Variants in PDE6A observed in about 807,000 individuals in gnomAD.
PDE6A encodes the protein phosphodiesterase 6A, also known as rod cGMP-specific 3',5'-cyclic phosphodiesterase subunit alpha.
In PDE6A, 84 loss-of-function variants were observed where a neutral mutation model predicts 106.3. That is an observed-to-expected ratio of 0.79 (90% CI 0.66 to 0.95). The LOEUF (loss-of-function observed/expected upper bound fraction) is 0.95, where lower values mean the gene tolerates loss of function less well. Among genes scored for constraint, PDE6A ranks in the 40% least tolerant of loss-of-function variants. The pLI is 0.00. For synonymous variants in PDE6A, 394 were observed against 386.6 expected (o/e 1.02, Z -0.23); for missense variants, 1,052 against 1,084.9 (o/e 0.97, Z 0.43).
rs185740208 is a variant in PDE6A, at chr5:149,924,057, T to A, written c.859-2348A>T. On this transcript the variant is annotated intron_variant, in intron 4 of 21. Transcript: ENST00000255266. ...AAGAAATTTAATTCTAGGTGAACAT[T>A]TAGAAAACAATTTTAATTCTAGGCA... is the stretch of plus-strand genomic sequence containing the variant. 1.3e-3 allele frequency among the ~76,000 whole-genome samples: 199 copies of A among 152,222 alleles called. 2 individuals carry two copies. The highest frequency in any genetic ancestry group is 4.5e-3 in the African/African-American group (186 of 41,508).
chr5:149,934,162 T>C (rs1462161215), intron 2 of PDE6A, 143 bp from the exon 3 acceptor site: 1 of 686,526 alleles, frequency 1.5e-6, no homozygotes, highest in Non-Finnish European at 2.7e-6. Flanking sequence ...TGCAGACTCA[T>C]AAGATGTTGC....
chr5:149,940,619 T>C (rs552360851), intron 1 of PDE6A, among the ~76,000 whole-genome samples: 42 of 151,972 alleles, frequency 2.8e-4, no homozygotes, highest in African/African-American at 1.0e-3. Flanking sequence ...TGCCTCAGCC[T>C]CCCGAGTAGC....
intron 4 of PDE6A, among the ~76,000 whole-genome samples, chr5:149,928,854 C>T (rs1753946259): frequency 6.6e-6 from 1 of 151,888 alleles, no homozygotes. Context: ...ACAGTCACTT[C>T]AAAAAATAAT....
At chr5:149,920,055 C>T (rs924448026) in intron 5 of PDE6A, among the ~76,000 whole-genome samples, 4 of 152,022 alleles carry the variant, frequency 2.6e-5, no homozygotes, top group African/African-American at 4.8e-5. Context: ...AGGCCAGGTG[C>T]GGTGGCTCAT....
intron 7 of PDE6A, among the ~76,000 whole-genome samples, chr5:149,905,345 A>G (rs1460247521): frequency 6.6e-6 from 1 of 152,072 alleles, no homozygotes; most frequent in Non-Finnish European, 1.5e-5. Context: ...TCTGGTCCTG[A>G]TATCTTCCAA....
chr5:149,864,235 A>G (rs1760243970), intron 20 of PDE6A, among the ~76,000 whole-genome samples: 1 of 133,398 alleles, frequency 7.5e-6, no homozygotes, highest in Admixed American at 7.3e-5. Context: ...CGGGATGTTG[A>G]GAAGATGATT....
Position 149,895,153 on chromosome 5 carries a change from A to C in PDE6A, c.1728+30T>G, listed in dbSNP as rs554283147. 2.1e-4 allele frequency: 288 copies of C among 1,388,244 alleles called. No individual in the cohort carries two copies. In the African/African-American group the frequency reaches 3.3e-3, roughly 16 times the overall value. 86.0% of individuals were successfully genotyped at this position (1,388,244 alleles called of 1,614,324 possible). ...AGATTGTCTAGTGTGATGCAAGCCC[A>C]CCCTACCAGCCCCACCGGCCCCGCC... On this transcript the variant is annotated intron_variant, in intron 13 of 21. Coordinates refer to ENST00000255266, the MANE Select transcript of PDE6A (RefSeq NM_000440.3).
intron 5 of PDE6A, among the ~76,000 whole-genome samples, chr5:149,916,320 C>T (rs549316226): frequency 5.9e-5 from 9 of 152,316 alleles, no homozygotes; most frequent in East Asian, 5.8e-4. Context: ...GAGATAAAGA[C>T]GGCTGCCAGA....
Position 149,944,230 on chromosome 5 carries a change from C to T in PDE6A, c.444G>A (p.Lys148=), listed in dbSNP as rs1754403875. 1 of 1,613,840 alleles carries T rather than the reference C, an allele frequency of 6.2e-7. No individual in the cohort carries two copies. The highest frequency in any genetic ancestry group is 8.5e-7 in the Non-Finnish European group (1 of 1,179,978). ...CTGTGTTGGGGACGTTAGCAATCTT[C>T]TTAGAGTGTGCGACATGGCCCACGA... is the stretch of plus-strand genomic sequence containing the variant. ...MGIVGHVAHS[K]KIANVPNTEE... The change falls in exon 1 of 22, where the codon AAG becomes AAA. Residue 148 remains lysine (K), a synonymous_variant. Coordinates refer to ENST00000255266, the MANE Select transcript of PDE6A (RefSeq NM_000440.3).
chr5:149,891,445 G>A (rs1003470741), intron 13 of PDE6A, among the ~76,000 whole-genome samples: 1 of 152,178 alleles, frequency 6.6e-6, no homozygotes, highest in East Asian at 1.9e-4. Context: ...ACTCCAGCCT[G>A]GGCGACAGAG....
At chr5:149,929,985 C>T (rs571033061) in intron 4 of PDE6A, among the ~76,000 whole-genome samples, 4 of 152,312 alleles carry the variant, frequency 2.6e-5, no homozygotes, top group Admixed American at 6.5e-5. Flanking sequence ...TGGACTCGAA[C>T]TCCTGGCCAC....
chr5:149,912,945 C>T (rs758880624), intron 6 of PDE6A, among the ~76,000 whole-genome samples: 6 of 151,886 alleles, frequency 4.0e-5, no homozygotes, highest in Admixed American at 2.0e-4. Context: ...CAGAAAATTG[C>T]GACCTGTGAC....
intron 17 of PDE6A, among the ~76,000 whole-genome samples, chr5:149,873,238 A>G (rs1404555318): frequency 6.6e-6 from 1 of 152,212 alleles, no homozygotes; most frequent in Non-Finnish European, 1.5e-5. Flanking sequence ...AGGACCCATG[A>G]AAGTCAGAAT....
At chr5:149,873,559 T>A (rs767181006) in intron 17 of PDE6A, among the ~76,000 whole-genome samples, 2 of 152,174 alleles carry the variant, frequency 1.3e-5, no homozygotes, top group East Asian at 3.9e-4. Context: ...CTCAAACTCC[T>A]GGCCTCAAGT....
At chr5:149,921,855 G>C in intron 4 of PDE6A, 146 bp from the exon 5 acceptor site, 1 of 713,568 alleles carries the variant, frequency 1.4e-6, no homozygotes, top group Non-Finnish European at 2.5e-6. Flanking sequence ...AAGGCAGTAA[G>C]ACTCACTACA....
intron 5 of PDE6A, among the ~76,000 whole-genome samples, chr5:149,916,663 G>T (rs758301289): frequency 1.2e-4 from 19 of 152,162 alleles, no homozygotes; most frequent in Non-Finnish European, 2.4e-4. Context: ...CTCTCCAGGG[G>T]AAATTCTATT....
At chr5:149,931,649 G>C (rs1991805) in intron 3 of PDE6A, among the ~76,000 whole-genome samples, 45,331 of 152,086 alleles carry the variant, frequency 0.3, 9,721 homozygotes, top group African/African-American at 0.6. Context: ...AGTGTTGATG[G>C]AAAAATGTCT....
intron 5 of PDE6A, among the ~76,000 whole-genome samples, chr5:149,916,736 G>A (rs1320854936): frequency 1.3e-5 from 2 of 152,162 alleles, no homozygotes; most frequent in Non-Finnish European, 2.9e-5. Context: ...AAATGAGAAA[G>A]CTGAGACACA....
intron 8 of PDE6A, among the ~76,000 whole-genome samples, chr5:149,900,101 C>T (rs542957653): frequency 3.8e-4 from 58 of 152,040 alleles, no homozygotes; most frequent in Admixed American, 6.6e-4. Flanking sequence ...CACCTATAAT[C>T]CCAGCATTTT....
Sources: allele counts gnomAD v4.1 joint callset (sites outside exome capture counted in the v4.1 genomes callset), GRCh38; gene constraint gnomAD v4.1.1; transcripts MANE v1.5; gene names NCBI Gene and HGNC (gene_info 2026-07-23, HGNC 2026-07-21).